Variants in BMPR2 observed in about 807,000 individuals in gnomAD.
The protein encoded by BMPR2 is bone morphogenetic protein receptor type-2.
BMPR2 carries 29 observed loss-of-function variants against 100.8 expected under a neutral mutation model. The observed-to-expected ratio is 0.29, with a 90% confidence interval of 0.21 to 0.39. The LOEUF is 0.39. Ranked by LOEUF, BMPR2 falls within the 10% of genes least tolerant of loss-of-function variation. BMPR2 has a pLI of 1.00. For synonymous variants in BMPR2, 382 were observed against 442.3 expected (o/e 0.86, Z 1.71); for missense variants, 1,011 against 1,274.5 (o/e 0.79, Z 3.15).
chr2:202,553,730 C>T (rs1688519069), intron 11 of BMPR2, among the ~76,000 whole-genome samples: 1 of 152,004 alleles, frequency 6.6e-6, no homozygotes. Flanking sequence ...ACTCTGTCCC[C>T]CAGGCTGGAG....
intron 3 of BMPR2, among the ~76,000 whole-genome samples, chr2:202,482,540 A>ATTT (rs1294071717): frequency 7.2e-6 from 1 of 138,716 alleles, no homozygotes; most frequent in Non-Finnish European, 1.6e-5. Flanking sequence ...TGCCTGTCTA[A>ATTT]TTTTTTTTTT....
chr2:202,522,208 A>T (rs1687829842), intron 7 of BMPR2, among the ~76,000 whole-genome samples: 1 of 151,886 alleles, frequency 6.6e-6, no homozygotes, highest in Non-Finnish European at 1.5e-5. Context: ...TACAGGGACC[A>T]TTAAGAATTT....
chr2:202,413,815 C>G (rs1302027788), intron 1 of BMPR2, among the ~76,000 whole-genome samples: 1 of 152,028 alleles, frequency 6.6e-6, no homozygotes, highest in Non-Finnish European at 1.5e-5. Flanking sequence ...CAGGCGTGCA[C>G]TGCCACGCCG....
At chr2:202,552,645 T>C in intron 10 of BMPR2, 71 bp from the exon 11 acceptor site, 1 of 1,519,422 alleles carries the variant, frequency 6.6e-7, no homozygotes, top group Non-Finnish European at 9.1e-7. Context: ...TTACCTCATG[T>C]GGTAAACTGA....
chr2:202,491,194 C>T lies in BMPR2; in HGVS notation c.419-22525C>T, dbSNP rs1229666722. 2.6e-5 allele frequency among the ~76,000 whole-genome samples: 4 copies of T among 152,028 alleles called. No homozygotes were observed. In the East Asian group the frequency reaches 7.7e-4, roughly 29 times the overall value. ...ACCTCAGCCTGCTGAGTAGCTGGGA[C>T]TACACAGATGCGCCACTACACCCGG... On this transcript the variant is annotated intron_variant, in intron 3 of 12. Transcript: ENST00000374580.
At chr2:202,400,392 C>A (rs1690748065) in intron 1 of BMPR2, among the ~76,000 whole-genome samples, 1 of 149,214 alleles carries the variant, frequency 6.7e-6, no homozygotes, top group South Asian at 2.1e-4. Context: ...TCAAGAGGAT[C>A]TTCCTGCCTT....
rs560945755 is a variant in BMPR2 at position 202,440,205 on chromosome 2, T to C, written c.77-24604T>C. Among the ~76,000 whole-genome samples the C allele has an allele frequency of 3.8e-4, 57 of 150,908 alleles. 1 individual carries two copies. The South Asian group carries it at 0.012, about 31-fold the overall frequency. Reference sequence around the variant, plus strand: ...CTATTCGACAAAACCGCCATCCTCATCGTGGCCCGTTCTCAATGAGCTGTT... The same window carrying C: ...CTATTCGACAAAACCGCCATCCTCACCGTGGCCCGTTCTCAATGAGCTGTT... On this transcript the variant is annotated intron_variant, in intron 1 of 12. Transcript: ENST00000374580.
chr2:202,549,619 C>T (rs1251827208), intron 10 of BMPR2, among the ~76,000 whole-genome samples: 1 of 151,758 alleles, frequency 6.6e-6, no homozygotes, highest in Non-Finnish European at 1.5e-5. Flanking sequence ...TGTGGTGGTG[C>T]ATACCTGTAA....
intron 12 of BMPR2, among the ~76,000 whole-genome samples, chr2:202,559,215 T>A (rs1370861775): frequency 1.3e-5 from 2 of 150,806 alleles, no homozygotes; most frequent in South Asian, 2.1e-4. Flanking sequence ...GGCGTGAGAA[T>A]CACTTGAGCC....
chr2:202,383,708 A>G (rs1690351774), intron 1 of BMPR2, among the ~76,000 whole-genome samples: 1 of 150,572 alleles, frequency 6.6e-6, no homozygotes, highest in African/African-American at 2.4e-5. Flanking sequence ...AAAATTAGCC[A>G]CGCGTGGTGG....
intron 7 of BMPR2, among the ~76,000 whole-genome samples, chr2:202,530,316 T>G (rs1248897533): frequency 6.6e-6 from 1 of 152,222 alleles, no homozygotes; most frequent in Non-Finnish European, 1.5e-5. Flanking sequence ...CTTAGAGATA[T>G]GGCTAAACCT....
chr2:202,501,244 C>T (rs1178315566), intron 3 of BMPR2, among the ~76,000 whole-genome samples: 1 of 152,176 alleles, frequency 6.6e-6, no homozygotes, highest in African/African-American at 2.4e-5. Flanking sequence ...CTTATCCTCG[C>T]CCTAAGACAT....
chr2:202,394,815 C>G (rs1690626273), intron 1 of BMPR2, among the ~76,000 whole-genome samples: 2 of 151,842 alleles, frequency 1.3e-5, no homozygotes, highest in African/African-American at 4.8e-5. Flanking sequence ...AATAAATCAT[C>G]CAGAGTCTAG....
rs1687444035 is a variant in BMPR2, at chr2:202,503,372, G to T, written c.419-10347G>T. 6.6e-6 allele frequency among the ~76,000 whole-genome samples: 1 copy of T among 152,242 alleles called. No homozygotes were observed. The highest frequency in any genetic ancestry group is 2.4e-5 in the African/African-American group (1 of 41,482). On this transcript the variant is annotated intron_variant, in intron 3 of 12. Coordinates refer to ENST00000374580, the MANE Select transcript of BMPR2 (RefSeq NM_001204.7). This position sits in a 1 kb window ranked among gnomAD's most constrained non-coding sequence, Gnocchi z 4.0. ...GGAGCCCACTCCCTCAGCTTGCAGGGAGGTGTGGAGGGAGAGGCGCAAGCA... is the reference window on the plus strand; with the variant it reads ...GGAGCCCACTCCCTCAGCTTGCAGGTAGGTGTGGAGGGAGAGGCGCAAGCA...
At chr2:202,446,879 C>T (rs1004635651) in intron 1 of BMPR2, among the ~76,000 whole-genome samples, 18 of 148,872 alleles carry the variant, frequency 1.2e-4, no homozygotes, top group Non-Finnish European at 2.2e-4. Context: ...CTCAAACTCC[C>T]GACCTCAGGA....
At chr2:202,551,992 C>CTACAG (rs1294687858) in intron 10 of BMPR2, among the ~76,000 whole-genome samples, 1 of 151,672 alleles carries the variant, frequency 6.6e-6, no homozygotes, top group African/African-American at 2.4e-5. Flanking sequence ...GTAGCTGGGA[C>CTACAG]TACAGGCGCA....
intron 1 of BMPR2, among the ~76,000 whole-genome samples, chr2:202,383,573 G>A (rs141095250): frequency 2.1e-3 from 317 of 151,982 alleles, no homozygotes; most frequent in Non-Finnish European, 3.7e-3. Context: ...CCAGCTACTC[G>A]GGAGGCTGAG....
intron 1 of BMPR2, among the ~76,000 whole-genome samples, chr2:202,460,292 A>T (rs1692200820): frequency 6.6e-6 from 1 of 152,154 alleles, no homozygotes; most frequent in Non-Finnish European, 1.5e-5. Context: ...AAATGTGGTA[A>T]ATATACACCA....
chr2:202,517,062 A>G (rs548085944), intron 5 of BMPR2, among the ~76,000 whole-genome samples: 1 of 151,976 alleles, frequency 6.6e-6, no homozygotes, highest in African/African-American at 2.4e-5. Context: ...GGAACACTGA[A>G]CTCAAAAATT....
Sources: allele counts gnomAD v4.1 joint callset (sites outside exome capture counted in the v4.1 genomes callset), GRCh38; gene constraint gnomAD v4.1.1; non-coding constraint Gnocchi (gnomAD v3.1); transcripts MANE v1.5; gene names NCBI Gene and HGNC (gene_info 2026-07-23, HGNC 2026-07-21).